Variants in CBX5 observed in about 807,000 individuals in gnomAD.
CBX5 encodes the protein chromobox protein homolog 5.
Under a neutral mutation model 20.7 loss-of-function variants are expected in CBX5, and 7 were observed. That is an observed-to-expected ratio of 0.34 (90% CI 0.19 to 0.63). CBX5 has a LOEUF of 0.63. Among genes scored for constraint, CBX5 ranks in the 30% least tolerant of loss-of-function variants. CBX5 has a pLI of 0.75. For synonymous variants in CBX5, 78 were observed against 77.0 expected, an observed-to-expected ratio of 1.01 and a Z score of -0.07; for missense variants, 110 against 224.1, an observed-to-expected ratio of 0.49 and a Z score of 3.25.
At chr12:54,269,189 G>A (rs899550647) in intron 1 of CBX5, among the ~76,000 whole-genome samples, 14 of 152,056 alleles carry the variant, frequency 9.2e-5, no homozygotes, top group African/African-American at 3.1e-4. Context: ...GAACCCCCCA[G>A]GAGGCGGAGG....
At chr12:54,255,695 A>C (rs1160284792) in intron 2 of CBX5, 1 of 152,172 alleles carries the variant, frequency 6.6e-6, no homozygotes, top group Non-Finnish European at 1.5e-5. Flanking sequence ...GATCCTACTA[A>C]TGCTCAAAAT....
At chr12:54,265,662 A>G (rs1263476945) in intron 1 of CBX5, among the ~76,000 whole-genome samples, 1 of 152,198 alleles carries the variant, frequency 6.6e-6, no homozygotes, top group South Asian at 2.1e-4. Context: ...CATATAGACA[A>G]CACAAACTTT....
In CBX5 at chr12:54,241,114, T is replaced by C. The variant is rs1943671785; in HGVS notation, c.*641A>G. 6.6e-6 allele frequency: 1 copy of C among 152,108 alleles called. No individual in the cohort carries two copies. 9.4% of individuals were successfully genotyped at this position (152,108 alleles called of 1,614,324 possible). ...AAAAGAGTGTCTTGACAGATTTCAG[T>C]GTAAAATTTCAAATCTTCCAAAGGA... On this transcript the variant is annotated 3_prime_UTR_variant, in exon 5 of 5. Transcript: ENST00000209875.
intron 3 of CBX5, among the ~76,000 whole-genome samples, chr12:54,246,769 A>C (rs1014334354): frequency 6.8e-6 from 1 of 147,798 alleles, no homozygotes; most frequent in African/African-American, 2.5e-5. Flanking sequence ...CAACATAGCA[A>C]GACTCCGTCT....
intron 3 of CBX5, among the ~76,000 whole-genome samples, chr12:54,249,195 C>T (rs1420401581): frequency 1.3e-5 from 2 of 151,974 alleles, no homozygotes; most frequent in South Asian, 2.1e-4. Context: ...ACGGTGAAAC[C>T]CCATCTCTAC....
intron 1 of CBX5, chr12:54,263,019 T>G (rs1302977483): frequency 6.6e-6 from 1 of 152,242 alleles, no homozygotes; most frequent in Non-Finnish European, 1.5e-5. Flanking sequence ...AGGAACTATC[T>G]GGTAAAGCTA....
At chr12:54,244,095 G>T (rs12303543) in intron 4 of CBX5, among the ~76,000 whole-genome samples, 3 of 150,868 alleles carry the variant, frequency 2.0e-5, no homozygotes, top group African/African-American at 7.3e-5. Context: ...TCCGCCTCCC[G>T]GGTTCACACC....
intron 1 of CBX5, among the ~76,000 whole-genome samples, chr12:54,257,900 A>G (rs1049901455): frequency 3.9e-5 from 6 of 152,220 alleles, no homozygotes; most frequent in Non-Finnish European, 1.5e-5. Flanking sequence ...TCGGCTAAAG[A>G]GACCAAAATT....
chr12:54,252,281 G>T, intron 2 of CBX5, 54 bp from the exon 3 acceptor site: 8 of 1,329,918 alleles, frequency 6.0e-6, no homozygotes, highest in East Asian at 2.5e-5. Context: ...AAAGAATGAG[G>T]AAAAAAATCC....
intron 1 of CBX5, chr12:54,276,643 A>T (rs1348769089): frequency 3.3e-5 from 5 of 152,230 alleles, no homozygotes; most frequent in Admixed American, 6.5e-5. Flanking sequence ...TTGGTGACCT[A>T]TTCTTCAGAT....
Position 54,252,031 on chromosome 12 carries a change from G to A in CBX5, c.324+10C>T, listed in dbSNP as rs1365516537. On this transcript the variant is annotated intron_variant, in intron 3 of 4. Coordinates refer to ENST00000209875, the MANE Select transcript of CBX5 (RefSeq NM_012117.3). ...GAATAGTTTTTGGGGAAAAGGGAAAGGAAGCTTACCTCTCTCTTTTTTTTA... is the reference window on the plus strand; with the variant it reads ...GAATAGTTTTTGGGGAAAAGGGAAAAGAAGCTTACCTCTCTCTTTTTTTTA... 2 of 1,546,772 alleles carry A rather than the reference G, an allele frequency of 1.3e-6. No homozygotes were observed. Among genetic ancestry groups the A allele is most frequent in the South Asian group, 1.3e-5 (1 of 77,132 alleles).
intron 2 of CBX5, 98 bp downstream of exon 2, chr12:54,257,416 G>A: frequency 8.0e-7 from 1 of 1,252,336 alleles, no homozygotes; most frequent in Non-Finnish European, 1.1e-6. Flanking sequence ...TGCAGGAGGG[G>A]GAAGAAAAAG....
chr12:54,254,452 T>C (rs1943844127), intron 2 of CBX5, among the ~76,000 whole-genome samples: 1 of 151,474 alleles, frequency 6.6e-6, no homozygotes, highest in Non-Finnish European at 1.5e-5. Flanking sequence ...ACTCTTGACC[T>C]AAACAACTTT....
intron 2 of CBX5, 130 bp from the exon 3 acceptor site, chr12:54,252,357 T>C (rs1592157741): frequency 2.3e-6 from 1 of 434,642 alleles, no homozygotes. Context: ...TTAAAGAAGA[T>C]AACAAATTTG....
intron 4 of CBX5, among the ~76,000 whole-genome samples, chr12:54,244,042 C>G (rs879323547): frequency 1.3e-5 from 2 of 151,368 alleles, no homozygotes; most frequent in Non-Finnish European, 2.9e-5. Context: ...CGCTCTGTTG[C>G]CCAGGCTGGA....
chr12:54,257,682 C>T lies in CBX5; in HGVS notation c.-32G>A, dbSNP rs754680366. The stretch of plus-strand genomic sequence containing the variant: ...CACCGTTCCACCTGAAAGACTAAGG[C>T]CACCAGGTCCCTGCAAAGGCAAAGG... On this transcript the variant is annotated 5_prime_UTR_variant, in exon 2 of 5. Coordinates refer to ENST00000209875, the MANE Select transcript of CBX5 (RefSeq NM_012117.3). 6.2e-7 allele frequency: 1 copy of T among 1,613,446 alleles called. No homozygotes were observed. The highest frequency in any genetic ancestry group is 1.7e-5 in the Admixed American group (1 of 59,894).
chr12:54,276,840 C>A (rs192468330), intron 1 of CBX5: 1 of 151,998 alleles, frequency 6.6e-6, no homozygotes, highest in African/African-American at 2.4e-5. Flanking sequence ...TTTCTTATTG[C>A]GGTCAAAAAA....
intron 1 of CBX5, among the ~76,000 whole-genome samples, chr12:54,268,338 A>G (rs1166741711): frequency 6.6e-6 from 1 of 152,324 alleles, no homozygotes; most frequent in African/African-American, 2.4e-5. Flanking sequence ...TTGACATTTA[A>G]GTTGAGTTAC....
At chr12:54,254,670 C>T (rs1221878771) in intron 2 of CBX5, among the ~76,000 whole-genome samples, 3 of 151,890 alleles carry the variant, frequency 2.0e-5, no homozygotes, top group African/African-American at 7.3e-5. Flanking sequence ...CTGGCCAACA[C>T]AGTGAAACCC....
Sources: allele counts gnomAD v4.1 joint callset (sites outside exome capture counted in the v4.1 genomes callset), GRCh38; gene constraint gnomAD v4.1.1; transcripts MANE v1.5; gene names NCBI Gene and HGNC (gene_info 2026-07-23, HGNC 2026-07-21).